CDIN1: variants seen among roughly 807,000 people sequenced by gnomAD.
The protein encoded by CDIN1 is CDAN1-interacting nuclease 1.
Under a neutral mutation model 45.3 loss-of-function variants are expected in CDIN1, and 33 were observed. That is an observed-to-expected ratio of 0.73 (90% CI 0.55 to 0.97). The LOEUF is 0.97. Ranked by LOEUF, CDIN1 falls within the 50% of genes least tolerant of loss-of-function variation. The pLI, the probability that CDIN1 is intolerant of heterozygous loss-of-function variation, is 0.00. For synonymous variants in CDIN1, 118 were observed against 124.4 expected (o/e 0.95, Z 0.34); for missense variants, 303 against 339.4 (o/e 0.89, Z 0.84).
chr15:36,665,525 G>A (rs1254980156), intron 5 of CDIN1, among the ~76,000 whole-genome samples: 3 of 152,136 alleles, frequency 2.0e-5, no homozygotes, highest in Non-Finnish European at 4.4e-5. Context: ...TATATGAAAA[G>A]CAAACTGATC....
chr15:36,633,983 C>A (rs1028360219), intron 1 of CDIN1, among the ~76,000 whole-genome samples: 3 of 151,902 alleles, frequency 2.0e-5, no homozygotes, highest in African/African-American at 7.3e-5. Flanking sequence ...AACTCTGGGC[C>A]TCAAGTGATC....
intron 1 of CDIN1, among the ~76,000 whole-genome samples, chr15:36,638,569 C>G (rs1488746288): frequency 1.3e-5 from 2 of 152,164 alleles, no homozygotes; most frequent in Non-Finnish European, 1.5e-5. Context: ...TAAAATATAC[C>G]TTTGCTGCAG....
At chr15:36,691,279 A>G (rs1376540083) in intron 5 of CDIN1, 114 of 481,674 alleles carry the variant, frequency 2.4e-4, no homozygotes, top group South Asian at 6.1e-4. Context: ...GGTCAGATTC[A>G]AAGACTTCAG....
intron 10 of CDIN1, among the ~76,000 whole-genome samples, chr15:36,722,075 T>G (rs2043441708): frequency 6.6e-6 from 1 of 152,188 alleles, no homozygotes; most frequent in Non-Finnish European, 1.5e-5. Context: ...TTTTTTAACT[T>G]TGAACAGAGA....
chr15:36,770,256 C>A (rs924063106), intron 10 of CDIN1, among the ~76,000 whole-genome samples: 1 of 149,580 alleles, frequency 6.7e-6, no homozygotes, highest in African/African-American at 2.5e-5. Flanking sequence ...TCTGTAGTAG[C>A]AACTGTGGCT....
At chr15:36,718,492 C>CAA (rs2043290827) in intron 10 of CDIN1, among the ~76,000 whole-genome samples, 3 of 152,238 alleles carry the variant, frequency 2.0e-5, no homozygotes, top group South Asian at 4.1e-4. Flanking sequence ...ATGAACCTGA[C>CAA]ATCTCTCCAT....
chr15:36,694,731 T>C (rs745904803), intron 7 of CDIN1, among the ~76,000 whole-genome samples: 7 of 152,164 alleles, frequency 4.6e-5, no homozygotes, highest in Non-Finnish European at 1.0e-4. Flanking sequence ...GACAAAAGCA[T>C]AAACTATGAA....
chr15:36,774,163 T>TGTGTGTGTGTGTGTGTGC (rs149222188), intron 10 of CDIN1, among the ~76,000 whole-genome samples: 57 of 143,148 alleles, frequency 4.0e-4, no homozygotes, highest in African/African-American at 1.5e-3. Context: ...TGTGTGTGTG[T>TGTGTGTGTGTGTGTGTGC]GCGCGCGCGC....
At chr15:36,768,102 A>G (rs1232765376) in intron 10 of CDIN1, among the ~76,000 whole-genome samples, 1 of 152,172 alleles carries the variant, frequency 6.6e-6, no homozygotes, top group Non-Finnish European at 1.5e-5. Context: ...CCAGAGGCTT[A>G]TAGATTTCAC....
rs139000638 is a variant in CDIN1, at chr15:36,679,440, G to A, written c.347-12245G>A. Among the ~76,000 whole-genome samples, 1,051 of 152,274 alleles carry A rather than the reference G, an allele frequency of 6.9e-3. 15 individuals carry two copies. The highest frequency in any genetic ancestry group is 0.024 in the African/African-American group (985 of 41,556). On this transcript the variant is annotated intron_variant, in intron 5 of 10. Coordinates refer to ENST00000566621, the MANE Select transcript of CDIN1 (RefSeq NM_001321759.2). ...ATTCTCTTTTACAAACAAGGATACT[G>A]AGAGGTGTCAACATTAACTTGTTAA...
intron 1 of CDIN1, among the ~76,000 whole-genome samples, chr15:36,593,102 G>A (rs951334842): frequency 6.6e-6 from 1 of 152,114 alleles, no homozygotes; most frequent in African/African-American, 2.4e-5. Flanking sequence ...TGATTAGCAC[G>A]GTTCCTGATA....
At chr15:36,619,136 GCCATA>G (rs2039032932) in intron 1 of CDIN1, 3 of 1,109,522 alleles carry the variant, frequency 2.7e-6, no homozygotes, top group Non-Finnish European at 2.7e-6. Flanking sequence ...GGCTTCTGAG[GCCATA>G]CCATTCCCAG....
chr15:36,614,073 C>A, intron 1 of CDIN1: 1 of 932,904 alleles, frequency 1.1e-6, no homozygotes, highest in Non-Finnish European at 1.8e-6. Flanking sequence ...GAGACCTGTG[C>A]TGAGTTTGCT....
At chr15:36,797,519 G>C (rs1240815315) in intron 10 of CDIN1, among the ~76,000 whole-genome samples, 2 of 152,004 alleles carry the variant, frequency 1.3e-5, no homozygotes, top group African/African-American at 4.8e-5. Context: ...TTACTTACAG[G>C]GACTAGTACT....
At chr15:36,644,058 T>A (rs117021927) in intron 1 of CDIN1, among the ~76,000 whole-genome samples, 1,876 of 152,334 alleles carry the variant, frequency 0.012, 20 homozygotes, top group Non-Finnish European at 0.019. Context: ...GATAGTTGCT[T>A]TGAGCCCTAT....
chr15:36,666,102 C>T (rs1057504701), intron 5 of CDIN1, among the ~76,000 whole-genome samples: 6 of 151,970 alleles, frequency 3.9e-5, no homozygotes, highest in African/African-American at 1.5e-4. Context: ...TATATTGTAT[C>T]TTTGCTCTTT....
At chr15:36,750,896 T>C (rs1219139088) in intron 10 of CDIN1, among the ~76,000 whole-genome samples, 1 of 151,924 alleles carries the variant, frequency 6.6e-6, no homozygotes, top group Admixed American at 6.6e-5. Flanking sequence ...GTGGGGCTAG[T>C]TGGGTGGACA....
intron 3 of CDIN1, among the ~76,000 whole-genome samples, chr15:36,653,442 C>T (rs1396493421): frequency 3.5e-5 from 4 of 114,574 alleles, no homozygotes; most frequent in African/African-American, 1.4e-4. Flanking sequence ...GGGAATGACA[C>T]ATTCAAATTT....
intron 10 of CDIN1, among the ~76,000 whole-genome samples, chr15:36,800,775 C>T (rs959819095): frequency 1.3e-5 from 2 of 150,846 alleles, no homozygotes; most frequent in African/African-American, 4.9e-5. Flanking sequence ...CATGTCTGCA[C>T]ACATCCTCAG....
Sources: gnomAD v4.1 joint callset for allele counts (sites outside exome capture counted in the v4.1 genomes callset) on GRCh38, gnomAD v4.1.1 for gene constraint, MANE v1.5 for transcripts, NCBI Gene and HGNC (gene_info 2026-07-23, HGNC 2026-07-21) for gene names.